Variants in SPIDR observed in about 807,000 individuals in gnomAD.
SPIDR encodes DNA repair-scaffolding protein.
A neutral mutation model predicts 104.6 loss-of-function variants in SPIDR; 93 were observed. That is an observed-to-expected ratio of 0.89 (90% CI 0.75 to 1.06). The LOEUF (loss-of-function observed/expected upper bound fraction) is 1.06, where lower values mean the gene tolerates loss of function less well. Among genes scored for constraint, SPIDR ranks in the 50% least tolerant of loss-of-function variants. SPIDR has a pLI of 0.00. For synonymous variants in SPIDR, 431 were observed against 416.9 expected (o/e 1.03, Z -0.41); for missense variants, 1,154 against 1,111.2 (o/e 1.04, Z -0.55).
rs181652429 is a variant in SPIDR at position 47,521,335 on chromosome 8, G to A, written c.1098-74476G>A. The stretch of plus-strand genomic sequence containing the variant: ...CAAATAATTAATACCAGAAATTTCT[G>A]TCTTGGGTATTATGGGACGTGTGTG... On this transcript the variant is annotated intron_variant, in intron 8 of 19. Coordinates refer to ENST00000297423, the MANE Select transcript of SPIDR (RefSeq NM_001080394.4). Among the ~76,000 whole-genome samples, 87 of 152,198 alleles carry A rather than the reference G, an allele frequency of 5.7e-4. 1 individual carries two copies. The highest frequency in any genetic ancestry group is 5.7e-3 in the Admixed American group (87 of 15,284).
At position 47,311,988 on chromosome 8, in the gene SPIDR, C is replaced by T. The variant is rs587671715; in HGVS notation, c.525+17958C>T. On this transcript the variant is annotated intron_variant, in intron 5 of 19. Transcript: ENST00000297423. Reference sequence around the variant, plus strand: ...TGCGGTGTTTGGTTTTTTGTCCTTGCGATAGTTTGCTGAGAATGATGGTTT... The same window carrying T: ...TGCGGTGTTTGGTTTTTTGTCCTTGTGATAGTTTGCTGAGAATGATGGTTT... Among the ~76,000 whole-genome samples the T allele has an allele frequency of 1.2e-3, 179 of 152,062 alleles. 5 individuals are homozygous for T. In the South Asian group the frequency reaches 0.033, roughly 28 times the overall value.
At position 47,423,072 on chromosome 8, in the gene SPIDR, G is replaced by A. The variant is rs770088213; in HGVS notation, c.877+15111G>A. Among the ~76,000 whole-genome samples the A allele has an allele frequency of 3.3e-5, 5 of 152,196 alleles. No homozygotes were observed. In the East Asian group the frequency reaches 5.8e-4, roughly 18 times the overall value. On this transcript the variant is annotated intron_variant, in intron 7 of 19. Transcript: ENST00000297423. ...TATAATCCCAGCAATTTGGGAAGCCGAAGTGGGTGGATCACAAGGTCAGGA... is the reference window on the plus strand; with the variant it reads ...TATAATCCCAGCAATTTGGGAAGCCAAAGTGGGTGGATCACAAGGTCAGGA...
intron 5 of SPIDR, among the ~76,000 whole-genome samples, chr8:47,350,564 T>C (rs1554621735): frequency 6.6e-6 from 1 of 152,230 alleles, no homozygotes; most frequent in Admixed American, 6.5e-5. Flanking sequence ...TCTGCCTGCC[T>C]CGGCCTCCCA....
intron 5 of SPIDR, among the ~76,000 whole-genome samples, chr8:47,315,116 A>G (rs2045067557): frequency 6.6e-6 from 1 of 152,234 alleles, no homozygotes. Context: ...ATCTACAGTC[A>G]TAGGTGGAAA....
chr8:47,363,644 A>G (rs1420759549), intron 5 of SPIDR, among the ~76,000 whole-genome samples: 2 of 152,028 alleles, frequency 1.3e-5, no homozygotes, highest in East Asian at 3.9e-4. Flanking sequence ...TTATGTTTGG[A>G]ACCGTAGTGA....
chr8:47,673,671 TAC>T, intron 10 of SPIDR, 128 bp from the exon 11 acceptor site: 1 of 1,284,508 alleles, frequency 7.8e-7, no homozygotes, highest in Non-Finnish European at 1.1e-6. Context: ...GGTTTTTCTT[TAC>T]TTTCTTTAAA....
rs528586366 is a variant in SPIDR, at chr8:47,451,559, C to T, written c.1097+11017C>T. Among the ~76,000 whole-genome samples, 23 of 147,934 alleles carry T rather than the reference C, an allele frequency of 1.6e-4. No individual in the cohort carries two copies. In the South Asian group the frequency reaches 1.7e-3, roughly 11 times the overall value. ...TCACACCACTGCACTCCAGCCTAGG[C>T]GACATTGTGAAACCCTGCCAAAACA... On this transcript the variant is annotated intron_variant, in intron 8 of 19. Coordinates refer to ENST00000297423, the MANE Select transcript of SPIDR (RefSeq NM_001080394.4).
intron 3 of SPIDR, among the ~76,000 whole-genome samples, chr8:47,288,418 G>A (rs2039275383): frequency 6.6e-6 from 1 of 151,926 alleles, no homozygotes; most frequent in Non-Finnish European, 1.5e-5. Flanking sequence ...CCGAGTAGCT[G>A]GGATTACAGG....
chr8:47,474,479 C>T (rs1011688216), intron 8 of SPIDR, among the ~76,000 whole-genome samples: 3 of 152,184 alleles, frequency 2.0e-5, no homozygotes, highest in Non-Finnish European at 4.4e-5. Context: ...ACATCTCACT[C>T]CCAGGAGTAA....
intron 8 of SPIDR, among the ~76,000 whole-genome samples, chr8:47,509,905 A>G (rs1203287847): frequency 6.6e-6 from 1 of 152,022 alleles, no homozygotes; most frequent in East Asian, 1.9e-4. Context: ...ACTTATGCAC[A>G]TACCACACAC....
chr8:47,631,646 T>G (rs2067093583), intron 10 of SPIDR, among the ~76,000 whole-genome samples: 1 of 152,244 alleles, frequency 6.6e-6, no homozygotes, highest in Non-Finnish European at 1.5e-5. Flanking sequence ...GAAGAGTTGA[T>G]AAAGAATTCT....
At chr8:47,630,600 T>C (rs2066912146) in intron 10 of SPIDR, among the ~76,000 whole-genome samples, 2 of 152,224 alleles carry the variant, frequency 1.3e-5, no homozygotes, top group Admixed American at 6.5e-5. Flanking sequence ...ACATCCATCC[T>C]GGGTGATCTG....
intron 10 of SPIDR, among the ~76,000 whole-genome samples, chr8:47,647,269 T>C (rs900786120): frequency 1.1e-4 from 17 of 152,192 alleles, no homozygotes; most frequent in South Asian, 4.1e-4. Flanking sequence ...CCATACACCA[T>C]TGGAACTGCC....
intron 14 of SPIDR, among the ~76,000 whole-genome samples, chr8:47,710,318 A>T (rs1371659082): frequency 6.6e-6 from 1 of 152,140 alleles, no homozygotes; most frequent in Non-Finnish European, 1.5e-5. Context: ...TTCAAAGGAG[A>T]TTAGAACATT....
intron 5 of SPIDR, among the ~76,000 whole-genome samples, chr8:47,304,601 C>T (rs1383581878): frequency 6.6e-6 from 1 of 152,202 alleles, no homozygotes; most frequent in Non-Finnish European, 1.5e-5. Flanking sequence ...CCTCCTCCCC[C>T]TGCTTTCACC....
intron 5 of SPIDR, among the ~76,000 whole-genome samples, chr8:47,370,199 C>T (rs1216405537): frequency 4.6e-5 from 7 of 152,036 alleles, no homozygotes; most frequent in African/African-American, 1.7e-4. Context: ...CTGTGTGTAA[C>T]ATCTTATGGA....
intron 8 of SPIDR, among the ~76,000 whole-genome samples, chr8:47,534,323 C>T (rs1304561384): frequency 6.6e-6 from 1 of 152,208 alleles, no homozygotes; most frequent in East Asian, 1.9e-4. Flanking sequence ...CATAAAGACA[C>T]ATCCATGTGA....
chr8:47,266,214 T>C (rs557313583), intron 1 of SPIDR, among the ~76,000 whole-genome samples: 2 of 151,658 alleles, frequency 1.3e-5, no homozygotes, highest in East Asian at 3.9e-4. Flanking sequence ...ACTGCAACTT[T>C]CCGCCTCCCC....
intron 5 of SPIDR, among the ~76,000 whole-genome samples, chr8:47,369,539 G>A (rs186245989): frequency 6.6e-6 from 1 of 152,134 alleles, no homozygotes; most frequent in East Asian, 1.9e-4. Context: ...TTCTGTCTTG[G>A]GTGCCTATGT....
Sources: allele counts gnomAD v4.1 joint callset (sites outside exome capture counted in the v4.1 genomes callset), GRCh38; gene constraint gnomAD v4.1.1; transcripts MANE v1.5; gene names NCBI Gene and HGNC (gene_info 2026-07-23, HGNC 2026-07-21).